HSPA14: variants seen among roughly 807,000 people sequenced by gnomAD.
HSPA14 encodes the protein heat shock 70 kDa protein 14.
A neutral mutation model predicts 65.5 loss-of-function variants in HSPA14; 37 were observed. That is an observed-to-expected ratio of 0.56 (90% CI 0.43 to 0.74). HSPA14 has a LOEUF of 0.74. Among genes scored for constraint, HSPA14 ranks in the 30% least tolerant of loss-of-function variants. The probability of loss-of-function intolerance (pLI) is 0.00; values close to 1 mark genes in which losing one functional copy is unlikely to be tolerated. For synonymous variants in HSPA14, 203 were observed against 214.2 expected (o/e 0.95, Z 0.46); for missense variants, 564 against 607.6 (o/e 0.93, Z 0.75).
rs1471636385 is a variant in HSPA14 at position 14,842,217 on chromosome 10, G to A, written c.221+2060G>A. Reference sequence around the variant, plus strand: ...TGGAGATATCCTGAGAGCACACAGAGCTTCCCCACACCTTCAGACTTGCAC... The same window carrying A: ...TGGAGATATCCTGAGAGCACACAGAACTTCCCCACACCTTCAGACTTGCAC... On this transcript the variant is annotated intron_variant, in intron 3 of 13. Transcript: ENST00000378372. The surrounding 1 kb of genome is among the most constrained non-coding windows in gnomAD (Gnocchi z 5.2). 8 of 1,535,492 alleles carry A rather than the reference G, an allele frequency of 5.2e-6. No individual in the cohort carries two copies. Among genetic ancestry groups the A allele is most frequent in the Non-Finnish European group, 7.0e-6 (8 of 1,146,896 alleles).
chr10:14,848,653 GT>G lies in HSPA14; in HGVS notation c.269del (p.Leu90Ter). On this transcript the variant is annotated frameshift_variant, in exon 4 of 14. Coordinates refer to ENST00000378372, the MANE Select transcript of HSPA14 (RefSeq NM_016299.4). LOFTEE classifies it high-confidence loss of function. The part of the protein sequence containing the change: ...QAQKYIAESK[C>X]LVIEKNGKLR... ...CAGAAATACATCGCGGAAAGTAAAT[GT>G]TTAGTGAGTATGGTTCTGTTATTGC... 6.2e-7 allele frequency: 1 copy of G among 1,609,790 alleles called. No individual in the cohort carries two copies. Among genetic ancestry groups the G allele is most frequent in the Non-Finnish European group, 8.5e-7 (1 of 1,176,796 alleles).
intron 10 of HSPA14, among the ~76,000 whole-genome samples, chr10:14,859,840 C>CATTTAAAAATTAAAATTGTT: frequency 1.3e-5 from 2 of 152,296 alleles, no homozygotes; most frequent in African/African-American, 4.8e-5. Flanking sequence ...GTTAACATTG[C>CATTTAAAAATTAAAATTGTT]AATTTTAAAG....
intron 3 of HSPA14, chr10:14,844,026 T>G: frequency 6.9e-7 from 1 of 1,444,400 alleles, no homozygotes; most frequent in Non-Finnish European, 9.0e-7. Flanking sequence ...CCAGATAGTA[T>G]GAAAATAATT....
chr10:14,840,974 C>T (rs902272874), intron 3 of HSPA14, among the ~76,000 whole-genome samples: 1 of 152,148 alleles, frequency 6.6e-6, no homozygotes, highest in Non-Finnish European at 1.5e-5. Context: ...GATCAGGTCT[C>T]CTCACCCTCG....
Position 14,842,514 on chromosome 10 carries a change from A to G in HSPA14, c.221+2357A>G, listed in dbSNP as rs559155531. ...CTGAAGGCATTATATTTAAAGGCCT[A>G]TGTTGCCCATGCCACAAGTATGGGT... On this transcript the variant is annotated intron_variant, in intron 3 of 13. Coordinates refer to ENST00000378372, the MANE Select transcript of HSPA14 (RefSeq NM_016299.4). The surrounding 1 kb of genome is among the most constrained non-coding windows in gnomAD (Gnocchi z 5.2). 36 of 1,536,128 alleles carry G rather than the reference A, an allele frequency of 2.3e-5. No homozygotes were observed. The South Asian group carries it at 2.4e-4, about 10-fold the overall frequency.
chr10:14,849,569 G>A (rs1190387422), intron 5 of HSPA14, 152 bp from the exon 6 acceptor site: 2 of 703,450 alleles, frequency 2.8e-6, no homozygotes, highest in African/African-American at 1.8e-5. Context: ...ATTTCAGAGC[G>A]CAGAGAAGAA....
At chr10:14,850,524 G>A (rs1170994584) in intron 6 of HSPA14, among the ~76,000 whole-genome samples, 2 of 152,218 alleles carry the variant, frequency 1.3e-5, no homozygotes, top group East Asian at 1.9e-4. Context: ...ATGTATTGGT[G>A]TGCTTTTATG....
chr10:14,865,522 G>C (rs1588820393), intron 10 of HSPA14, among the ~76,000 whole-genome samples: 1 of 152,224 alleles, frequency 6.6e-6, no homozygotes, highest in Non-Finnish European at 1.5e-5. Context: ...AAGAGATCCA[G>C]TTTCAGCTTT....
intron 3 of HSPA14, among the ~76,000 whole-genome samples, chr10:14,847,463 A>T (rs1311245217): frequency 6.6e-6 from 1 of 152,184 alleles, no homozygotes; most frequent in Non-Finnish European, 1.5e-5. Flanking sequence ...AAGAATACTA[A>T]ACTTTGTATT....
chr10:14,857,195 A>C (rs1164621697), intron 10 of HSPA14, among the ~76,000 whole-genome samples: 1 of 152,236 alleles, frequency 6.6e-6, no homozygotes, highest in Admixed American at 6.5e-5. Context: ...TGTTGTAGAC[A>C]CATAGGTTGG....
chr10:14,860,425 A>G (rs761657791), intron 10 of HSPA14, among the ~76,000 whole-genome samples: 7 of 152,208 alleles, frequency 4.6e-5, no homozygotes, highest in Admixed American at 2.0e-4. Context: ...AATTGTGATA[A>G]ATCTTATGAA....
chr10:14,838,485 G>T, intron 1 of HSPA14, 26 bp downstream of exon 1: 1 of 1,581,502 alleles, frequency 6.3e-7, no homozygotes, highest in Non-Finnish European at 8.6e-7. Context: ...GCTGGGCTAG[G>T]GCTTCATGAC....
intron 10 of HSPA14, among the ~76,000 whole-genome samples, chr10:14,857,541 T>C (rs560479193): frequency 8.5e-5 from 13 of 152,376 alleles, no homozygotes; most frequent in African/African-American, 2.9e-4. Flanking sequence ...TTTAATTTTG[T>C]TTCTCCTTGT....
intron 3 of HSPA14, chr10:14,846,835 G>C (rs1422694766): frequency 1.0e-6 from 1 of 985,276 alleles, no homozygotes; most frequent in Non-Finnish European, 1.2e-6. Flanking sequence ...GGAGGAGGAA[G>C]AGAAGATGGC....
At position 14,842,496 on chromosome 10, in the gene HSPA14, C is replaced by T; in HGVS notation, c.221+2339C>T. ...CGCTCCAAGTTTAAAGTTCTGAAGG[C>T]ATTATATTTAAAGGCCTATGTTGCC... On this transcript the variant is annotated intron_variant, in intron 3 of 13. Transcript: ENST00000378372. This position sits in a 1 kb window ranked among gnomAD's most constrained non-coding sequence, Gnocchi z 5.2. 2 of 1,536,162 alleles carry T rather than the reference C, an allele frequency of 1.3e-6. No individual in the cohort carries two copies. Among genetic ancestry groups the T allele is most frequent in the South Asian group, 2.4e-5 (2 of 84,062 alleles).
At chr10:14,855,988 G>T (rs371322298) in intron 10 of HSPA14, 45 bp downstream of exon 10, 18 of 1,092,250 alleles carry the variant, frequency 1.6e-5, no homozygotes, top group Admixed American at 3.7e-5. Flanking sequence ...TGTAGTTTCA[G>T]ACTTGGAATT....
chr10:14,867,246 T>C lies in HSPA14; in HGVS notation c.1157T>C (p.Val386Ala). Residue 386 changes from valine (V) to alanine (A), a missense_variant, in exon 11 of 14, where the codon GTG becomes GCG. Transcript: ENST00000378372. ...GILIGKENLL[V>A]EDSLMIECSA... ...CTTATTGGGAAAGAAAACCTGTTGG[T>C]GGAAGACTCTCTTATGATAGAGTGT... is the stretch of plus-strand genomic sequence containing the variant. 1.9e-6 allele frequency: 3 copies of C among 1,613,868 alleles called. No individual in the cohort carries two copies. The highest frequency in any genetic ancestry group is 2.5e-6 in the Non-Finnish European group (3 of 1,179,818).
chr10:14,857,611 T>C (rs1325503315), intron 10 of HSPA14, among the ~76,000 whole-genome samples: 1 of 152,334 alleles, frequency 6.6e-6, no homozygotes, highest in East Asian at 1.9e-4. Context: ...TTTTTTAAAC[T>C]TGTGCAAATA....
At position 14,843,038 on chromosome 10, in the gene HSPA14, T is replaced by G. The variant is rs918996044; in HGVS notation, c.221+2881T>G. 2.6e-5 allele frequency among the ~76,000 whole-genome samples: 4 copies of G among 152,194 alleles called. No individual in the cohort carries two copies. In the South Asian group the frequency reaches 8.3e-4, roughly 31 times the overall value. On this transcript the variant is annotated intron_variant, in intron 3 of 13. Transcript: ENST00000378372. ...TTCAAAAGCTATGCCCCTGGCAACA[T>G]AAGGTATTAGAACCCTTTAAACCTA...
Sources: allele counts gnomAD v4.1 joint callset (sites outside exome capture counted in the v4.1 genomes callset), GRCh38; gene constraint gnomAD v4.1.1; non-coding constraint Gnocchi (gnomAD v3.1); transcripts MANE v1.5; gene names NCBI Gene and HGNC (gene_info 2026-07-23, HGNC 2026-07-21).